PCDH15: variants seen among roughly 807,000 people sequenced by gnomAD.
PCDH15 encodes the protein protocadherin-15.
A neutral mutation model predicts 178.5 loss-of-function variants in PCDH15; 129 were observed. The observed-to-expected ratio is 0.72, with a 90% CI of 0.63 to 0.84. The LOEUF is 0.84. Ranked by LOEUF, PCDH15 falls within the 40% of genes least tolerant of loss-of-function variation. The pLI, the probability that PCDH15 is intolerant of heterozygous loss-of-function variation, is 0.00. For missense variants in PCDH15, 2,230 were observed against 2,099.9 expected, an observed-to-expected ratio of 1.06 and a Z score of -1.21; for synonymous variants, 800 against 732.0, an observed-to-expected ratio of 1.09 and a Z score of -1.50.
At chr10:55,060,013 A>G (rs1014035887) in intron 2 of PCDH15, among the ~76,000 whole-genome samples, 3 of 152,078 alleles carry the variant, frequency 2.0e-5, no homozygotes, top group African/African-American at 7.2e-5. Flanking sequence ...TTGAATTGGA[A>G]CAACTTATTC....
At chr10:55,148,514 C>A (rs149105058) in intron 2 of PCDH15, among the ~76,000 whole-genome samples, 8 of 151,870 alleles carry the variant, frequency 5.3e-5, no homozygotes, top group Admixed American at 1.3e-4. Flanking sequence ...CAGTTTACAA[C>A]CCAGGGAATG....
intron 29 of PCDH15, among the ~76,000 whole-genome samples, chr10:53,834,375 C>T (rs1310110592): frequency 1.3e-5 from 2 of 152,024 alleles, no homozygotes; most frequent in African/African-American, 4.8e-5. Context: ...ATATATTCTC[C>T]CTCTGGGTCA....
chr10:53,947,354 T>C (rs760414157), intron 23 of PCDH15, among the ~76,000 whole-genome samples: 2 of 152,152 alleles, frequency 1.3e-5, no homozygotes, highest in Non-Finnish European at 2.9e-5. Context: ...CCAGGCAATT[T>C]AGGATATAAA....
intron 2 of PCDH15, among the ~76,000 whole-genome samples, chr10:54,946,878 C>A (rs1253801055): frequency 6.6e-6 from 1 of 151,804 alleles, no homozygotes; most frequent in East Asian, 1.9e-4. Flanking sequence ...TAATTCAATT[C>A]ACAAAACATT....
intron 1 of PCDH15, among the ~76,000 whole-genome samples, chr10:54,668,504 T>C (rs1374722151): frequency 6.6e-6 from 1 of 152,130 alleles, no homozygotes; most frequent in African/African-American, 2.4e-5. Flanking sequence ...CTATTCTGAG[T>C]ACAGATTTCT....
At chr10:54,437,559 G>T (rs1300926700) in intron 3 of PCDH15, among the ~76,000 whole-genome samples, 1 of 152,022 alleles carries the variant, frequency 6.6e-6, no homozygotes, top group African/African-American at 2.4e-5. Context: ...TGATAAATAG[G>T]AATCAGTTTT....
At chr10:54,814,551 G>A (rs756861900) in intron 3 of PCDH15, among the ~76,000 whole-genome samples, 2 of 152,090 alleles carry the variant, frequency 1.3e-5, no homozygotes, top group Non-Finnish European at 2.9e-5. Flanking sequence ...ATTCCTTGTA[G>A]CTAATAAATA....
chr10:55,410,740 AAAC>A (rs1200759619), intron 2 of PCDH15, among the ~76,000 whole-genome samples: 4 of 152,154 alleles, frequency 2.6e-5, no homozygotes, highest in African/African-American at 7.2e-5. Flanking sequence ...TCTGCTGAGA[AAAC>A]AACTGCTGCT....
chr10:54,793,726 G>A (rs1276190731), intron 1 of PCDH15, among the ~76,000 whole-genome samples: 1 of 147,704 alleles, frequency 6.8e-6, no homozygotes, highest in East Asian at 2.0e-4. Flanking sequence ...ATATACACTT[G>A]TGTATATATA....
chr10:54,875,939 A>T (rs1317643324), intron 3 of PCDH15, among the ~76,000 whole-genome samples: 1 of 152,202 alleles, frequency 6.6e-6, no homozygotes, highest in African/African-American at 2.4e-5. Flanking sequence ...TTCAATGTAG[A>T]TGAAAGAACC....
intron 2 of PCDH15, among the ~76,000 whole-genome samples, chr10:55,161,370 A>C (rs1303032921): frequency 6.6e-6 from 1 of 152,160 alleles, no homozygotes; most frequent in Non-Finnish European, 1.5e-5. Context: ...CTACCTCTGC[A>C]TAATATTGGC....
intron 1 of PCDH15, among the ~76,000 whole-genome samples, chr10:54,678,984 A>G (rs2094844301): frequency 6.6e-6 from 1 of 151,902 alleles, no homozygotes; most frequent in East Asian, 1.9e-4. Flanking sequence ...AGGTCAGGAG[A>G]TCGAGACCAT....
At chr10:54,642,512 T>C (rs578142958) in intron 2 of PCDH15, among the ~76,000 whole-genome samples, 1 of 152,228 alleles carries the variant, frequency 6.6e-6, no homozygotes, top group South Asian at 2.1e-4. Context: ...ATCTAGCAGA[T>C]AGTAGAGACC....
chr10:54,796,282 G>GTATCTATGTATCTATCTATC lies in PCDH15; in HGVS notation c.-29+4642_-29+4643insGATAGATAGATACATAGATA, dbSNP rs752443728. ...TCTATCTATCTATCTATGTATCTATGTATCTATCTATCTATCTATCTATCT... is the reference window on the plus strand; with the variant it reads ...TCTATCTATCTATCTATGTATCTATGTATCTATGTATCTATCTATCTATCTATCTATCTATCTATCTATCT... On this transcript the variant is annotated intron_variant, in intron 1 of 37. Transcript: ENST00000644397. Among the ~76,000 whole-genome samples, 197 of 126,416 alleles carry GTATCTATGTATCTATCTATC rather than the reference G, an allele frequency of 1.6e-3. 1 individual carries two copies. In the Middle Eastern group the frequency reaches 0.016, roughly 10 times the overall value. 82.9% of individuals were successfully genotyped at this position (126,416 alleles called of 152,430 possible).
At chr10:53,809,080 T>C (rs768321475) in intron 37 of PCDH15, 5 of 1,613,830 alleles carry the variant, frequency 3.1e-6, no homozygotes, top group Non-Finnish European at 4.2e-6. Context: ...CACAATGTTT[T>C]TCCTTGCTTT....
At chr10:54,200,920 C>T (rs2050171310) in intron 10 of PCDH15, among the ~76,000 whole-genome samples, 2 of 152,154 alleles carry the variant, frequency 1.3e-5, no homozygotes, top group Admixed American at 1.3e-4. Context: ...AATCTCCAAC[C>T]TGGATTTCTC....
intron 15 of PCDH15, among the ~76,000 whole-genome samples, chr10:54,130,950 A>T (rs374184384): frequency 6.6e-6 from 1 of 152,188 alleles, no homozygotes; most frequent in South Asian, 2.1e-4. Flanking sequence ...GTGGCCTATG[A>T]AAAGTACCTT....
At chr10:54,943,788 A>G (rs1838120121) in intron 2 of PCDH15, among the ~76,000 whole-genome samples, 1 of 151,870 alleles carries the variant, frequency 6.6e-6, no homozygotes, top group African/African-American at 2.4e-5. Flanking sequence ...TTGATCTTAA[A>G]AAAAGCACGA....
intron 23 of PCDH15, among the ~76,000 whole-genome samples, chr10:53,952,640 G>C (rs983528367): frequency 1.3e-5 from 2 of 152,218 alleles, no homozygotes; most frequent in East Asian, 3.9e-4. Flanking sequence ...CTAGAAGGTG[G>C]GGTTTCACCA....
Sources: gnomAD v4.1 joint callset for allele counts (sites outside exome capture counted in the v4.1 genomes callset) on GRCh38, gnomAD v4.1.1 for gene constraint, MANE v1.5 for transcripts, NCBI Gene and HGNC (gene_info 2026-07-23, HGNC 2026-07-21) for gene names.